The following JMJD7 variants were observed in gnomAD, a reference collection of about 807,000 sequenced individuals.
The protein encoded by JMJD7 is bifunctional peptidase and (3S)-lysyl hydroxylase JMJD7.
In JMJD7, 41 loss-of-function variants were observed where a neutral mutation model predicts 41.1. The observed-to-expected ratio is 1.00, with a 90% CI of 0.78 to 1.30. The LOEUF (loss-of-function observed/expected upper bound fraction) is 1.30, where lower values mean the gene tolerates loss of function less well. Among genes scored for constraint, JMJD7 ranks in the 50% most tolerant of loss-of-function variants. The probability of loss-of-function intolerance (pLI) is 0.00; values close to 1 mark genes in which losing one functional copy is unlikely to be tolerated. For missense variants in JMJD7, 480 were observed against 420.7 expected (o/e 1.14, Z -1.23); for synonymous variants, 202 against 177.2 (o/e 1.14, Z -1.11).
At chr15:41,836,023 G>A in intron 4 of JMJD7, 125 bp from the exon 5 acceptor site, 1 of 1,025,472 alleles carries the variant, frequency 9.8e-7, no homozygotes, top group Non-Finnish European at 1.4e-6. Flanking sequence ...CAGCCCACTG[G>A]CTCTGTGCGT....
At chr15:41,833,798 G>T (rs1420495975) in intron 1 of JMJD7, among the ~76,000 whole-genome samples, 1 of 152,014 alleles carries the variant, frequency 6.6e-6, no homozygotes, top group African/African-American at 2.4e-5. Context: ...TTTGCAGCAG[G>T]GGGACAGATT....
At chr15:41,833,619 C>G (rs899719275) in intron 1 of JMJD7, among the ~76,000 whole-genome samples, 3 of 151,194 alleles carry the variant, frequency 2.0e-5, no homozygotes, top group Non-Finnish European at 4.4e-5. Context: ...TGGGGTCTCC[C>G]TACGTTGCCA....
intron 1 of JMJD7, among the ~76,000 whole-genome samples, chr15:41,833,414 A>ATATATATATATATTTTTT (rs1239528383): frequency 6.3e-5 from 2 of 31,996 alleles, no homozygotes; most frequent in Admixed American, 6.4e-4. Context: ...ATATATATAT[A>ATATATATATATATTTTTT]TTTTTTTTTT....
chr15:41,830,942 G>A (rs1012320553), intron 1 of JMJD7, among the ~76,000 whole-genome samples: 14 of 152,238 alleles, frequency 9.2e-5, no homozygotes, highest in South Asian at 2.1e-4. Flanking sequence ...CTTGGGTGCC[G>A]TGAATGGTGG....
Position 41,835,211 on chromosome 15 carries a change from T to C in JMJD7, c.460T>C (p.Ser154Pro). The change falls in exon 3 of 8, where the codon TCC (serine) becomes CCC (proline). Residue 154 changes from serine to proline, a missense_variant. Coordinates refer to ENST00000397299, the MANE Select transcript of JMJD7 (RefSeq NM_001114632.2). ...PDLESHVPWA[S>P]EALGKMPDAV... ...TCTGGAATCCCATGTGCCCTGGGCCTCCGAAGCCCTGGGTGAGTGGAGGTG... is the reference window on the plus strand; with the variant it reads ...TCTGGAATCCCATGTGCCCTGGGCCCCCGAAGCCCTGGGTGAGTGGAGGTG... 5 of 1,598,918 alleles carry C rather than the reference T, an allele frequency of 3.1e-6. No individual in the cohort carries two copies. The highest frequency in any genetic ancestry group is 4.2e-6 in the Non-Finnish European group (5 of 1,179,600).
intron 4 of JMJD7, 40 bp from the exon 5 acceptor site, chr15:41,836,108 C>G: frequency 6.5e-7 from 1 of 1,545,156 alleles, no homozygotes. Flanking sequence ...CGTGCCCCTG[C>G]CCTCCATACC....
At chr15:41,836,386 C>G in intron 5 of JMJD7, 89 bp from the exon 6 acceptor site, 2 of 1,556,758 alleles carry the variant, frequency 1.3e-6, no homozygotes, top group Non-Finnish European at 1.7e-6. Flanking sequence ...ATCCCCTTGC[C>G]CCTGCCCAGG....
chr15:41,834,684 G>A (rs1354387039), intron 1 of JMJD7, 56 bp from the exon 2 acceptor site: 2 of 1,590,464 alleles, frequency 1.3e-6, no homozygotes, highest in Non-Finnish European at 1.7e-6. Context: ...TCTTGGGCAG[G>A]GACTGGGTGC....
intron 4 of JMJD7, chr15:41,835,920 T>C: frequency 1.7e-6 from 1 of 572,934 alleles, no homozygotes; most frequent in Non-Finnish European, 2.9e-6. Flanking sequence ...TAGGAGAACT[T>C]CCCCTCTTGT....
intron 4 of JMJD7, 98 bp downstream of exon 4, chr15:41,835,742 T>A (rs2065303072): frequency 1.3e-5 from 18 of 1,419,480 alleles, no homozygotes; most frequent in Non-Finnish European, 1.7e-5. Flanking sequence ...GGGTGGAGGT[T>A]GGGCTGTTCT....
intron 1 of JMJD7, chr15:41,828,391 A>G (rs1223906923): frequency 1.5e-5 from 8 of 551,326 alleles, no homozygotes; most frequent in African/African-American, 1.4e-4. Context: ...CGTTGTTCCC[A>G]AGGCCCGGTG....
At chr15:41,836,644 G>A (rs2065322217) in intron 6 of JMJD7, 93 bp downstream of exon 6, 1 of 1,469,134 alleles carries the variant, frequency 6.8e-7, no homozygotes, top group Non-Finnish European at 9.0e-7. Context: ...GTGGCACCTT[G>A]CTCTGAAAAG....
rs2065339969 is a variant in JMJD7, at chr15:41,837,321, G to T, written c.*165G>T. 2 of 604,116 alleles carry T rather than the reference G, an allele frequency of 3.3e-6. No homozygotes were observed. The highest frequency in any genetic ancestry group is 5.9e-5 in the Admixed American group (2 of 33,888). The allele number at this position is 604,116 out of a possible 1,614,324, so 37.4% of individuals were successfully genotyped here. A position where few individuals can be genotyped will look rare whatever the true frequency, so the allele number is the denominator to read the frequency against. The stretch of plus-strand genomic sequence containing the variant: ...GAGGATCTTGGAATGTGGTCATAAG[G>T]ACTCAAGGTGCCAGGCAGGTCTGGG... On this transcript the variant is annotated 3_prime_UTR_variant, in exon 8 of 8. Coordinates refer to ENST00000397299, the MANE Select transcript of JMJD7 (RefSeq NM_001114632.2).
chr15:41,833,175 G>A (rs373827046), intron 1 of JMJD7, among the ~76,000 whole-genome samples: 3 of 152,128 alleles, frequency 2.0e-5, no homozygotes, highest in African/African-American at 7.2e-5. Context: ...GTGGAATTAA[G>A]CCAGAGAAAC....
chr15:41,836,721 C>A (rs2065323765), intron 6 of JMJD7, 60 bp from the exon 7 acceptor site: 1 of 1,529,812 alleles, frequency 6.5e-7, no homozygotes, highest in Non-Finnish European at 8.8e-7. Flanking sequence ...TTGGAAGGGA[C>A]AGAGCCTGAA....
At position 41,835,103 on chromosome 15, in the gene JMJD7, G is replaced by A. The variant is rs776366285; in HGVS notation, c.352G>A (p.Gly118Ser). The change falls in exon 3 of 8, where the codon GGC becomes AGC. Residue 118 changes from glycine to serine, a missense_variant. Gly to Ser is a moderately conservative substitution (Grantham distance 56). Transcript: ENST00000397299. ...GAGCTTCGTGCTGGATGTGCTGGAG[G>A]GCCGGGCCCAGCACCCTGGAGTCCT... ...PLSFVLDVLE[G>S]RAQHPGVLYV... 25 of 1,612,944 alleles carry A rather than the reference G, an allele frequency of 1.5e-5. No homozygotes were observed. Among genetic ancestry groups the A allele is most frequent in the Non-Finnish European group, 2.0e-5 (24 of 1,180,032 alleles).
chr15:41,837,294 T>C lies in JMJD7; in HGVS notation c.*138T>C. 3.2e-6 allele frequency: 2 copies of C among 630,232 alleles called. No homozygotes were observed. The highest frequency in any genetic ancestry group is 5.5e-5 in the East Asian group (2 of 36,534). The allele number at this position is 630,232 out of a possible 1,614,324, so 39.0% of individuals were successfully genotyped here. A position where few individuals can be genotyped will look rare whatever the true frequency, so the allele number is the denominator to read the frequency against. The stretch of plus-strand genomic sequence containing the variant: ...GTCCAGCATGGCTTGAGATCAGCTT[T>C]GGAGGATCTTGGAATGTGGTCATAA... On this transcript the variant is annotated 3_prime_UTR_variant, in exon 8 of 8. Coordinates refer to ENST00000397299, the MANE Select transcript of JMJD7 (RefSeq NM_001114632.2).
intron 1 of JMJD7, 76 bp downstream of exon 1, chr15:41,828,264 T>C (rs919138076): frequency 7.0e-7 from 1 of 1,435,224 alleles, no homozygotes; most frequent in African/African-American, 1.5e-5. Flanking sequence ...CACCGGGGGC[T>C]CGGAACCTCG....
chr15:41,830,177 C>T (rs2065208903), intron 1 of JMJD7, among the ~76,000 whole-genome samples: 1 of 152,192 alleles, frequency 6.6e-6, no homozygotes, highest in African/African-American at 2.4e-5. Context: ...CTGCTGCAGC[C>T]TGAACCTCGC....
Sources: gnomAD v4.1 joint callset for allele counts (sites outside exome capture counted in the v4.1 genomes callset) on GRCh38, gnomAD v4.1.1 for gene constraint, MANE v1.5 for transcripts, NCBI Gene and HGNC (gene_info 2026-07-23, HGNC 2026-07-21) for gene names.